The following PPP2CA variants were observed in gnomAD, a reference collection of about 807,000 sequenced individuals.
PPP2CA encodes the protein serine/threonine-protein phosphatase 2A catalytic subunit alpha isoform.
PPP2CA carries 5 observed loss-of-function variants against 38.8 expected under a neutral mutation model. The ratio of observed to expected loss-of-function variants is 0.13; its 90% CI spans 0.07 to 0.27. The LOEUF (loss-of-function observed/expected upper bound fraction) is 0.27. Among genes scored for constraint, PPP2CA ranks in the 10% least tolerant of loss-of-function variants. The probability of loss-of-function intolerance (pLI) is 1.00; values close to 1 mark genes in which losing one functional copy is unlikely to be tolerated. For missense variants in PPP2CA, 88 were observed against 389.7 expected (o/e 0.23, Z 6.52); for synonymous variants, 152 against 134.0 (o/e 1.13, Z -0.93).
intron 3 of PPP2CA, among the ~76,000 whole-genome samples, chr5:134,201,554 G>T (rs1264180564): frequency 6.6e-6 from 1 of 152,052 alleles, no homozygotes; most frequent in African/African-American, 2.4e-5. Flanking sequence ...CCAATAATTA[G>T]CTCCTTACAT....
chr5:134,209,609 G>A (rs1315041571), intron 1 of PPP2CA, among the ~76,000 whole-genome samples: 1 of 151,644 alleles, frequency 6.6e-6, no homozygotes, highest in Non-Finnish European at 1.5e-5. Flanking sequence ...GTAAAACCCC[G>A]TCTCTACTAA....
At position 134,195,570 on chromosome 5, in the gene PPP2CA, G is replaced by C. The variant is rs1267540217; in HGVS notation, c.*2202C>G. 6.6e-6 allele frequency: 1 copy of C among 152,086 alleles called. No individual in the cohort carries two copies. Among genetic ancestry groups the C allele is most frequent in the African/African-American group, 2.4e-5 (1 of 41,398 alleles). 9.4% of individuals were successfully genotyped at this position (152,086 alleles called of 1,614,324 possible). On this transcript the variant is annotated 3_prime_UTR_variant, in exon 7 of 7. Transcript: ENST00000481195. ...GCCTGTTCTTAGGGAAAGCTTTTTA[G>C]GTTTATTAATGAAAATCCTAATGTT...
chr5:134,216,537 C>CAA (rs748030385), intron 1 of PPP2CA, among the ~76,000 whole-genome samples: 11 of 29,584 alleles, frequency 3.7e-4, no homozygotes, highest in Middle Eastern at 0.014. Flanking sequence ...GAGACTGCCT[C>CAA]AAAAAAAAAA....
chr5:134,224,366 C>A (rs1439236781), intron 1 of PPP2CA: 1 of 445,332 alleles, frequency 2.2e-6, no homozygotes, highest in South Asian at 1.6e-5. Context: ...TAGTTTTGTT[C>A]AGGCTTGGGA....
intron 1 of PPP2CA, among the ~76,000 whole-genome samples, chr5:134,221,422 G>T (rs1345592114): frequency 1.3e-5 from 2 of 152,076 alleles, no homozygotes; most frequent in African/African-American, 4.8e-5. Context: ...GCTGAAAAGA[G>T]GCATTTTATA....
At position 134,195,847 on chromosome 5, in the gene PPP2CA, C is replaced by A. The variant is rs1397443278; in HGVS notation, c.*1925G>T. ...ATCACAAGTCCCATTCTGCTAACCA[C>A]AAAATTTAGAGAATTTGTACCTGGA... On this transcript the variant is annotated 3_prime_UTR_variant, in exon 7 of 7. Coordinates refer to ENST00000481195, the MANE Select transcript of PPP2CA (RefSeq NM_002715.4). The A allele has an allele frequency of 2.6e-5, 4 of 152,198 alleles. No individual in the cohort carries two copies. Among genetic ancestry groups the A allele is most frequent in the Non-Finnish European group, 5.9e-5 (4 of 68,040 alleles). The allele number at this position is 152,198 out of a possible 1,614,324, so 9.4% of individuals were successfully genotyped here. A position where few individuals can be genotyped will look rare whatever the true frequency, so the allele number is the denominator to read the frequency against.
intron 1 of PPP2CA, among the ~76,000 whole-genome samples, chr5:134,224,885 G>A (rs1762531129): frequency 2.0e-5 from 3 of 152,198 alleles, no homozygotes; most frequent in African/African-American, 7.2e-5. Context: ...ACTACTACTT[G>A]CAGCCACAAA....
intron 1 of PPP2CA, among the ~76,000 whole-genome samples, chr5:134,222,721 C>G (rs1400825839): frequency 6.6e-6 from 1 of 152,128 alleles, no homozygotes; most frequent in Non-Finnish European, 1.5e-5. Flanking sequence ...GAAACATACC[C>G]GGCCAGTTAT....
chr5:134,201,107 C>T, intron 3 of PPP2CA, 33 bp from the exon 4 acceptor site: 1 of 1,528,954 alleles, frequency 6.5e-7, no homozygotes, highest in Non-Finnish European at 9.1e-7. Flanking sequence ...TTAACCTCAC[C>T]TAAAAAATTT....
At position 134,196,871 on chromosome 5, in the gene PPP2CA, A is replaced by G; in HGVS notation, c.*901T>C. 1 of 152,618 alleles carries G rather than the reference A, an allele frequency of 6.6e-6. No individual in the cohort carries two copies. Among genetic ancestry groups the G allele is most frequent in the East Asian group, 1.9e-4 (1 of 5,198 alleles). The allele number at this position is 152,618 out of a possible 1,614,324, so 9.5% of individuals were successfully genotyped here. A position where few individuals can be genotyped will look rare whatever the true frequency, so the allele number is the denominator to read the frequency against. On this transcript the variant is annotated 3_prime_UTR_variant, in exon 7 of 7. Coordinates refer to ENST00000481195, the MANE Select transcript of PPP2CA (RefSeq NM_002715.4). ...AGTTAATATGCAGGAAGAACCCACA[A>G]AGTGCACACCAACAATGTGACAAAT... is the stretch of plus-strand genomic sequence containing the variant.
intron 6 of PPP2CA, among the ~76,000 whole-genome samples, chr5:134,198,166 G>A (rs944965598): frequency 1.3e-5 from 2 of 152,136 alleles, no homozygotes; most frequent in South Asian, 2.1e-4. Flanking sequence ...TGAGGCGGGC[G>A]GATCACGAGG....
chr5:134,221,885 T>C (rs1762451830), intron 1 of PPP2CA, among the ~76,000 whole-genome samples: 2 of 151,424 alleles, frequency 1.3e-5, no homozygotes, highest in Admixed American at 1.3e-4. Context: ...GGAGAACTGC[T>C]TGAACCTGGG....
In PPP2CA at chr5:134,225,878, G is replaced by A. The variant is rs747593326; in HGVS notation, c.-17C>T. 4.4e-6 allele frequency: 7 copies of A among 1,600,656 alleles called. No homozygotes were observed. The African/African-American group carries it at 8.1e-5, about 18-fold the overall frequency. On this transcript the variant is annotated 5_prime_UTR_variant, in exon 1 of 7. Coordinates refer to ENST00000481195, the MANE Select transcript of PPP2CA (RefSeq NM_002715.4). ...CTCGTCCATGATGCCACCCGCCCCA[G>A]CCGGCTGCCGCTCCGCGCTGCTCCC... is the stretch of plus-strand genomic sequence containing the variant.
At chr5:134,222,955 C>G (rs972948796) in intron 1 of PPP2CA, among the ~76,000 whole-genome samples, 25 of 152,190 alleles carry the variant, frequency 1.6e-4, no homozygotes, top group African/African-American at 5.8e-4. Context: ...TAGATTCTCT[C>G]AGTTCTGAAC....
intron 3 of PPP2CA, among the ~76,000 whole-genome samples, chr5:134,201,545 C>G (rs1761966256): frequency 6.6e-6 from 1 of 152,136 alleles, no homozygotes; most frequent in Admixed American, 6.6e-5. Context: ...CTACCTAGGC[C>G]AATAATTAGC....
rs1449110906 is a variant in PPP2CA at position 134,225,820 on chromosome 5, G to A, written c.42C>T (p.Ile14=). ...KVFTKELDQW[I]EQLNECKQLS... is the part of the protein sequence containing the mutation. ...GCTGCTTGCACTCGTTCAGCTGCTC[G>A]ATCCACTGGTCCAGCTCCTTGGTGA... Residue 14 remains isoleucine, a synonymous_variant, in exon 1 of 7, where the codon ATC becomes ATT. Transcript: ENST00000481195. The A allele has an allele frequency of 2.5e-6, 4 of 1,610,616 alleles. No individual in the cohort carries two copies. Among genetic ancestry groups the A allele is most frequent in the African/African-American group, 1.3e-5 (1 of 74,598 alleles).
At chr5:134,198,589 G>A (rs1430146815) in intron 6 of PPP2CA, among the ~76,000 whole-genome samples, 2 of 151,548 alleles carry the variant, frequency 1.3e-5, no homozygotes, top group African/African-American at 2.4e-5. Context: ...TTTTTGAGAC[G>A]AAGTCTCGCT....
chr5:134,200,881 G>A, intron 4 of PPP2CA, 104 bp downstream of exon 4: 1 of 990,942 alleles, frequency 1.0e-6, no homozygotes, highest in Non-Finnish European at 1.5e-6. Flanking sequence ...ACCTCAAGTT[G>A]TTTTTGAGAA....
In PPP2CA at chr5:134,197,486, GTC is replaced by G; in HGVS notation, c.*284_*285del. 1 of 396,062 alleles carries G rather than the reference GTC, an allele frequency of 2.5e-6. No individual in the cohort carries two copies. The highest frequency in any genetic ancestry group is 3.7e-5 in the Admixed American group (1 of 26,836). The allele number at this position is 396,062 out of a possible 1,614,324, so 24.5% of individuals were successfully genotyped here. A position where few individuals can be genotyped will look rare whatever the true frequency, so the allele number is the denominator to read the frequency against. On this transcript the variant is annotated 3_prime_UTR_variant, in exon 7 of 7. Transcript: ENST00000481195. ...TAATGTTTACATCTTATTATCTGCA[GTC>G]TCTCAGAGAAAGCAAAAGTAACTAC...
Sources: gnomAD v4.1 joint callset for allele counts (sites outside exome capture counted in the v4.1 genomes callset) on GRCh38, gnomAD v4.1.1 for gene constraint, MANE v1.5 for transcripts, NCBI Gene and HGNC (gene_info 2026-07-23, HGNC 2026-07-21) for gene names.